TNFSF4: variants seen among roughly 807,000 people sequenced by gnomAD.
The protein encoded by TNFSF4 is TNF superfamily member 4.
In TNFSF4, 4 loss-of-function variants were observed where a neutral mutation model predicts 7.3. The ratio of observed to expected loss-of-function variants is 0.55; its 90% confidence interval spans 0.27 to 1.25. The LOEUF (loss-of-function observed/expected upper bound fraction) is 1.25, where lower values mean the gene tolerates loss of function less well. Ranked by LOEUF, TNFSF4 falls within the 50% of genes most tolerant of loss-of-function variation. The pLI is 0.12. For synonymous variants in TNFSF4, 76 were observed against 83.7 expected (o/e 0.91, Z 0.50); for missense variants, 181 against 208.8 (o/e 0.87, Z 0.82).
At chr1:173,446,842 T>C in the TNFSF4 span, among the ~76,000 whole-genome samples, 3 of 152,352 alleles carry the variant, frequency 2.0e-5, no homozygotes, top group East Asian at 1.9e-4. Context: ...CACTGTTGGC[T>C]TCCCTACTTT....
At chr1:173,447,478 A>C in the TNFSF4 span, among the ~76,000 whole-genome samples, 1 of 152,198 alleles carries the variant, frequency 6.6e-6, no homozygotes, top group Non-Finnish European at 1.5e-5. Flanking sequence ...GAGGTTGTGC[A>C]TGTGTAGGGG....
the TNFSF4 span, among the ~76,000 whole-genome samples, chr1:173,339,468 T>C: frequency 2.0e-5 from 3 of 152,198 alleles, no homozygotes; most frequent in South Asian, 2.1e-4. Flanking sequence ...ATACCAGCTA[T>C]GACAATGTGA....
At chr1:173,326,276 T>C in the TNFSF4 span, among the ~76,000 whole-genome samples, 1 of 152,306 alleles carries the variant, frequency 6.6e-6, no homozygotes, top group East Asian at 1.9e-4. Flanking sequence ...CACATGATTA[T>C]CTCAATAGAT....
chr1:173,195,568 G>A (rs978663402), intron 1 of TNFSF4, among the ~76,000 whole-genome samples: 3 of 152,232 alleles, frequency 2.0e-5, no homozygotes, highest in African/African-American at 7.2e-5. Context: ...GCTGTGCTGT[G>A]TTCCCAAGAA....
At chr1:173,189,469 G>T (rs956789375) in intron 1 of TNFSF4, among the ~76,000 whole-genome samples, 1 of 152,046 alleles carries the variant, frequency 6.6e-6, no homozygotes, top group Non-Finnish European at 1.5e-5. Flanking sequence ...TTTAAACATT[G>T]GATCTTTCTC....
chr1:173,191,144 G>A (rs6661173), intron 1 of TNFSF4, among the ~76,000 whole-genome samples: 16,017 of 152,138 alleles, frequency 0.11, 996 homozygotes, highest in Admixed American at 0.16. Flanking sequence ...AACTTTTTGA[G>A]GTGCCCTGAT....
At chr1:173,215,431 T>C in the TNFSF4 span, among the ~76,000 whole-genome samples, 1 of 152,192 alleles carries the variant, frequency 6.6e-6, no homozygotes, top group African/African-American at 2.4e-5. Context: ...TCCTCTGTGG[T>C]AACAAGAATT....
the TNFSF4 span, among the ~76,000 whole-genome samples, chr1:173,365,123 A>G: frequency 6.6e-6 from 1 of 151,612 alleles, no homozygotes; most frequent in Non-Finnish European, 1.5e-5. Context: ...AGAATGCATC[A>G]TTCTTAGGTG....
chr1:173,299,102 T>C, the TNFSF4 span, among the ~76,000 whole-genome samples: 28 of 152,060 alleles, frequency 1.8e-4, no homozygotes, highest in African/African-American at 6.7e-4. Context: ...AATTTTTAAA[T>C]ATTGTAGTGG....
At chr1:173,433,348 C>T in the TNFSF4 span, among the ~76,000 whole-genome samples, 1 of 152,076 alleles carries the variant, frequency 6.6e-6, no homozygotes, top group South Asian at 2.1e-4. Context: ...CAGCTAGGTA[C>T]AATAATTCTA....
chr1:173,272,860 A>G, the TNFSF4 span, among the ~76,000 whole-genome samples: 1 of 152,122 alleles, frequency 6.6e-6, no homozygotes, highest in Non-Finnish European at 1.5e-5. Context: ...CAGTGCTTCA[A>G]AGAAATGTCT....
chr1:173,336,131 G>A, the TNFSF4 span, among the ~76,000 whole-genome samples: 7 of 152,190 alleles, frequency 4.6e-5, no homozygotes, highest in Non-Finnish European at 1.0e-4. Flanking sequence ...TGCCTAACCT[G>A]TGGAGTGAGG....
At chr1:173,402,115 T>C in the TNFSF4 span, among the ~76,000 whole-genome samples, 3 of 152,212 alleles carry the variant, frequency 2.0e-5, no homozygotes, top group Non-Finnish European at 4.4e-5. Context: ...AAACTTTCTA[T>C]TGGGAGCAGG....
chr1:173,196,179 A>T (rs547899019), intron 1 of TNFSF4, among the ~76,000 whole-genome samples: 2 of 152,340 alleles, frequency 1.3e-5, no homozygotes, highest in East Asian at 3.9e-4. Context: ...GAAGTTCAGA[A>T]TTCCACCTAG....
rs1007453559 is a variant in TNFSF4 at position 173,184,267 on chromosome 1, T to C, written c.*2249A>G. 3 of 152,232 alleles carry C rather than the reference T, an allele frequency of 2.0e-5. No homozygotes were observed. Among genetic ancestry groups the C allele is most frequent in the African/African-American group, 7.2e-5 (3 of 41,464 alleles). The allele number at this position is 152,232 out of a possible 1,614,324, so 9.4% of individuals were successfully genotyped here. A position where few individuals can be genotyped will look rare whatever the true frequency, so the allele number is the denominator to read the frequency against. On this transcript the variant is annotated 3_prime_UTR_variant, in exon 3 of 3. Coordinates refer to ENST00000281834, the MANE Select transcript of TNFSF4 (RefSeq NM_003326.5). The stretch of plus-strand genomic sequence containing the variant: ...AAAATTCTGATCTCCTGACTTTTCA[T>C]TCAATTCTTTTCCCACAAAACTCTG...
the TNFSF4 span, among the ~76,000 whole-genome samples, chr1:173,337,500 A>C: frequency 3.3e-5 from 5 of 152,176 alleles, no homozygotes; most frequent in African/African-American, 1.2e-4. Context: ...CTATGGCTTC[A>C]TTGGGCGTTC....
At chr1:173,389,643 CA>C in the TNFSF4 span, among the ~76,000 whole-genome samples, 1 of 152,082 alleles carries the variant, frequency 6.6e-6, no homozygotes, top group African/African-American at 2.4e-5. Context: ...CAATATAACC[CA>C]AAAAGATGTA....
chr1:173,194,014 C>T (rs1388076119), intron 1 of TNFSF4, among the ~76,000 whole-genome samples: 1 of 152,166 alleles, frequency 6.6e-6, no homozygotes, highest in East Asian at 1.9e-4. Flanking sequence ...TTCAAAAGGT[C>T]TGGGTAGATC....
chr1:173,344,350 A>G, the TNFSF4 span, among the ~76,000 whole-genome samples: 1 of 152,200 alleles, frequency 6.6e-6, no homozygotes, highest in South Asian at 2.1e-4. Flanking sequence ...TTCAATTCCA[A>G]CTCTGCACCT....
Sources: gnomAD v4.1 joint callset for allele counts (sites outside exome capture counted in the v4.1 genomes callset) on GRCh38, gnomAD v4.1.1 for gene constraint, MANE v1.5 for transcripts, NCBI Gene and HGNC (gene_info 2026-07-23, HGNC 2026-07-21) for gene names.